ADGRG7: variants seen among roughly 807,000 people sequenced by gnomAD.
ADGRG7 encodes G-protein coupled receptor 128.
ADGRG7 carries 82 observed loss-of-function variants against 88.6 expected under a neutral mutation model. That is an observed-to-expected ratio of 0.93 (90% CI 0.77 to 1.11). ADGRG7 has a LOEUF of 1.11. ADGRG7 is among the 50% of genes most tolerant of loss of function. The pLI, the probability that ADGRG7 is intolerant of heterozygous loss-of-function variation, is 0.00. For missense variants in ADGRG7, 945 were observed against 953.4 expected, an observed-to-expected ratio of 0.99 and a Z score of 0.12; for synonymous variants, 381 against 345.2, an observed-to-expected ratio of 1.10 and a Z score of -1.15.
At chr3:100,671,610 TTA>T (rs1325429559) in intron 15 of ADGRG7, among the ~76,000 whole-genome samples, 11 of 152,258 alleles carry the variant, frequency 7.2e-5, no homozygotes, top group Non-Finnish European at 1.6e-4. Context: ...TTTTGGTGTT[TTA>T]GTCATGAAGT....
At chr3:100,634,865 G>A (rs1238640473) in intron 4 of ADGRG7, among the ~76,000 whole-genome samples, 4 of 152,192 alleles carry the variant, frequency 2.6e-5, no homozygotes, top group Admixed American at 1.3e-4. Context: ...GCACATAGCA[G>A]GGATCTAGCA....
At chr3:100,619,178 G>T (rs1707270618) in intron 1 of ADGRG7, among the ~76,000 whole-genome samples, 1 of 152,054 alleles carries the variant, frequency 6.6e-6, no homozygotes, top group Non-Finnish European at 1.5e-5. Flanking sequence ...CTCAGCAAAT[G>T]TAAAAGAACA....
intron 15 of ADGRG7, among the ~76,000 whole-genome samples, chr3:100,684,307 A>C (rs1005488244): frequency 1.3e-4 from 19 of 150,008 alleles, no homozygotes; most frequent in Non-Finnish European, 2.5e-4. Context: ...TCTGTCACCC[A>C]GGCTGGAATG....
chr3:100,693,580 A>G (rs2094997411), intron 15 of ADGRG7, among the ~76,000 whole-genome samples: 1 of 152,234 alleles, frequency 6.6e-6, no homozygotes, highest in African/African-American at 2.4e-5. Flanking sequence ...CTCACAGGAT[A>G]TGATTCCAAA....
chr3:100,680,922 T>C (rs1003913078), intron 15 of ADGRG7, among the ~76,000 whole-genome samples: 3 of 152,306 alleles, frequency 2.0e-5, no homozygotes, highest in Admixed American at 6.5e-5. Flanking sequence ...TTTCTGAAAA[T>C]CTGAACTTCA....
intron 4 of ADGRG7, among the ~76,000 whole-genome samples, chr3:100,634,904 A>C (rs1382971195): frequency 6.6e-6 from 1 of 152,124 alleles, no homozygotes; most frequent in Non-Finnish European, 1.5e-5. Flanking sequence ...GTTTCTGTCT[A>C]CTGATTGGGT....
chr3:100,658,856 A>G (rs1172071504), intron 13 of ADGRG7, among the ~76,000 whole-genome samples: 1 of 152,252 alleles, frequency 6.6e-6, no homozygotes, highest in African/African-American at 2.4e-5. Flanking sequence ...TCACTAAAGA[A>G]GGGATTTTTG....
intron 11 of ADGRG7, 107 bp from the exon 12 acceptor site, chr3:100,654,728 T>A: frequency 1.5e-6 from 1 of 680,328 alleles, no homozygotes; most frequent in Non-Finnish European, 2.5e-6. Context: ...TGAACTGAAC[T>A]TACATTGGGC....
intron 1 of ADGRG7, 29 bp from the exon 2 acceptor site, chr3:100,629,569 G>C: frequency 6.6e-7 from 1 of 1,507,804 alleles, no homozygotes; most frequent in East Asian, 2.3e-5. Flanking sequence ...GCCAGTTCAT[G>C]ACTATTCTGT....
At chr3:100,666,715 G>T (rs2094952325) in intron 14 of ADGRG7, among the ~76,000 whole-genome samples, 1 of 152,122 alleles carries the variant, frequency 6.6e-6, no homozygotes, top group Admixed American at 6.6e-5. Context: ...GGGACGGTCA[G>T]GTCTTTCCCT....
chr3:100,613,015 G>A (rs1386554642), intron 1 of ADGRG7, among the ~76,000 whole-genome samples: 1 of 151,996 alleles, frequency 6.6e-6, no homozygotes, highest in Non-Finnish European at 1.5e-5. Flanking sequence ...TCAGCCTCCC[G>A]AGTAGCTGGG....
At chr3:100,643,240 A>G (rs1432259658) in intron 6 of ADGRG7, 26 bp from the exon 7 acceptor site, 2 of 1,602,788 alleles carry the variant, frequency 1.2e-6, no homozygotes, top group Non-Finnish European at 1.7e-6. Flanking sequence ...AATCTTGAGT[A>G]TTAAATTGTG....
intron 15 of ADGRG7, among the ~76,000 whole-genome samples, chr3:100,669,881 C>CA (rs1232757000): frequency 6.6e-6 from 1 of 151,712 alleles, no homozygotes; most frequent in Non-Finnish European, 1.5e-5. Context: ...ACTAAAAATA[C>CA]AAAAAAATTA....
chr3:100,629,561 C>T (rs1320046866), intron 1 of ADGRG7, 37 bp from the exon 2 acceptor site: 2 of 1,430,600 alleles, frequency 1.4e-6, no homozygotes, highest in Non-Finnish European at 2.0e-6. Flanking sequence ...ATGAATCAGC[C>T]AGTTCATGAC....
At chr3:100,613,403 T>C (rs1707182945) in intron 1 of ADGRG7, among the ~76,000 whole-genome samples, 1 of 152,076 alleles carries the variant, frequency 6.6e-6, no homozygotes, top group Non-Finnish European at 1.5e-5. Flanking sequence ...AAGTCCAGAG[T>C]AGAGTTTTCT....
chr3:100,629,937 T>A (rs1707436877), intron 2 of ADGRG7, among the ~76,000 whole-genome samples: 3 of 152,218 alleles, frequency 2.0e-5, no homozygotes, highest in Non-Finnish European at 4.4e-5. Flanking sequence ...GACTACTAAG[T>A]TTTTTTGCAA....
chr3:100,672,769 G>A (rs1223096651), intron 15 of ADGRG7, among the ~76,000 whole-genome samples: 7 of 152,062 alleles, frequency 4.6e-5, no homozygotes, highest in Admixed American at 3.9e-4. Context: ...AGCATGATGG[G>A]GTGTTGAATT....
At chr3:100,637,835 A>T (rs1707571096) in intron 6 of ADGRG7, among the ~76,000 whole-genome samples, 1 of 152,086 alleles carries the variant, frequency 6.6e-6, no homozygotes, top group Non-Finnish European at 1.5e-5. Flanking sequence ...GTATATTTTG[A>T]TTATTTTCCT....
chr3:100,650,581 A>G (rs2094927685), intron 11 of ADGRG7, among the ~76,000 whole-genome samples: 1 of 152,220 alleles, frequency 6.6e-6, no homozygotes, highest in Admixed American at 6.5e-5. Context: ...CAGGTTAATT[A>G]TTTTTGGTGG....
Sources: gnomAD v4.1 joint callset for allele counts (sites outside exome capture counted in the v4.1 genomes callset) on GRCh38, gnomAD v4.1.1 for gene constraint, MANE v1.5 for transcripts, NCBI Gene and HGNC (gene_info 2026-07-23, HGNC 2026-07-21) for gene names.